The following CA6 variants were observed in gnomAD, a reference collection of about 807,000 sequenced individuals.
The protein encoded by CA6 is carbonate dehydratase VI.
In CA6, 28 loss-of-function variants were observed where a neutral mutation model predicts 35.9. That is an observed-to-expected ratio of 0.78 (90% CI 0.58 to 1.07). The LOEUF (loss-of-function observed/expected upper bound fraction) is 1.07, where lower values mean the gene tolerates loss of function less well. CA6 is among the 50% of genes least tolerant of loss of function. CA6 has a pLI of 0.00. For missense variants in CA6, 377 were observed against 382.0 expected, an observed-to-expected ratio of 0.99 and a Z score of 0.11; for synonymous variants, 148 against 152.6, an observed-to-expected ratio of 0.97 and a Z score of 0.22.
chr1:8,973,783 TC>T (rs1423529403), intron 7 of CA6, among the ~76,000 whole-genome samples: 8 of 23,548 alleles, frequency 3.4e-4, no homozygotes, highest in South Asian at 3.6e-3. Flanking sequence ...TTTCTTTCTT[TC>T]TTTTCCCTCC....
intron 2 of CA6, among the ~76,000 whole-genome samples, chr1:8,954,803 G>T (rs1639630600): frequency 2.0e-5 from 3 of 152,312 alleles, no homozygotes; most frequent in Admixed American, 1.3e-4. Context: ...TTGAACCCCT[G>T]ACCTCAGGTG....
intron 2 of CA6, among the ~76,000 whole-genome samples, chr1:8,953,722 G>A (rs1456717472): frequency 2.0e-5 from 3 of 152,170 alleles, no homozygotes; most frequent in Non-Finnish European, 4.4e-5. Context: ...TTGCTTGATC[G>A]TATAGTAATG....
rs1397742461 is a variant in CA6 at position 8,974,977 on chromosome 1, CCTAA to C, written c.*277_*280del. ...AATAGAAACTTAAAGGAAATGGAAC[CCTAA>C]CTATTCTCCCATCAAATCATATATG... On this transcript the variant is annotated 3_prime_UTR_variant, in exon 8 of 8. Coordinates refer to ENST00000377443, the MANE Select transcript of CA6 (RefSeq NM_001215.4). 2 of 302,344 alleles carry C rather than the reference CCTAA, an allele frequency of 6.6e-6. No individual in the cohort carries two copies. The highest frequency in any genetic ancestry group is 1.2e-5 in the Non-Finnish European group (2 of 166,800). The allele number at this position is 302,344 out of a possible 1,614,324, so 18.7% of individuals were successfully genotyped here.
In CA6 at chr1:8,962,628, T is replaced by C; in HGVS notation, c.543T>C (p.Ile181=). The change falls in exon 5 of 8, where the codon ATT becomes ATC. Residue 181 remains isoleucine (I), a synonymous_variant. Coordinates refer to ENST00000377443, the MANE Select transcript of CA6 (RefSeq NM_001215.4). ...AAAACACTTATTACAGCAACTTCATTTCTCATCTGGCCAACATCAAGTACC... is the reference window on the plus strand; with the variant it reads ...AAAACACTTATTACAGCAACTTCATCTCTCATCTGGCCAACATCAAGTACC... ...YPENTYYSNF[I]SHLANIKYPG... is the part of the protein sequence containing the mutation. The C allele has an allele frequency of 6.2e-7, 1 of 1,613,914 alleles. No individual in the cohort carries two copies. The highest frequency in any genetic ancestry group is 8.5e-7 in the Non-Finnish European group (1 of 1,179,818).
intron 4 of CA6, among the ~76,000 whole-genome samples, chr1:8,960,789 CAT>C (rs1553163139): frequency 5.1e-5 from 6 of 116,878 alleles, no homozygotes; most frequent in African/African-American, 1.3e-4. Context: ...CACACACACA[CAT>C]ATATATAATG....
chr1:8,956,388 G>C (rs1429660187), intron 2 of CA6, among the ~76,000 whole-genome samples: 1 of 151,670 alleles, frequency 6.6e-6, no homozygotes, highest in East Asian at 2.0e-4. Flanking sequence ...AGCTGGGCGT[G>C]GTGGCTCATG....
At chr1:8,973,166 C>T (rs773380454) in intron 7 of CA6, among the ~76,000 whole-genome samples, 5 of 152,088 alleles carry the variant, frequency 3.3e-5, no homozygotes, top group Non-Finnish European at 5.9e-5. Flanking sequence ...ATTACAGGCA[C>T]GCGCCCCCAC....
At chr1:8,947,314 C>T (rs151323685) in intron 1 of CA6, among the ~76,000 whole-genome samples, 3 of 152,082 alleles carry the variant, frequency 2.0e-5, no homozygotes, top group African/African-American at 7.3e-5. Context: ...CTGGTGGCCG[C>T]TGGCTGATGC....
rs1399211739 is a variant in CA6 at position 8,973,712 on chromosome 1, CTTTCTTTCTT to C, written c.845-908_845-899del. 3.3e-3 allele frequency among the ~76,000 whole-genome samples: 238 copies of C among 71,432 alleles called. 12 individuals carry two copies. The highest frequency in any genetic ancestry group is 0.014 in the South Asian group (32 of 2,302). The allele number at this position is 71,432 out of a possible 152,430, so 46.9% of individuals were successfully genotyped here. A position where few individuals can be genotyped will look rare whatever the true frequency, so the allele number is the denominator to read the frequency against. ...CAGGCCTGGATTTTTCTTTCTCTCT[CTTTCTTTCTT>C]TCTTTCTTTCTTTCTTTCTTTCTTT... is the stretch of plus-strand genomic sequence containing the variant. On this transcript the variant is annotated intron_variant, in intron 7 of 7. Transcript: ENST00000377443.
chr1:8,973,719 T>C (rs903725365), intron 7 of CA6, among the ~76,000 whole-genome samples: 2 of 9,520 alleles, frequency 2.1e-4, no homozygotes, highest in Non-Finnish European at 3.8e-4. Flanking sequence ...TCTCTTTCTT[T>C]CTTTCTTTCT....
intron 1 of CA6, among the ~76,000 whole-genome samples, chr1:8,946,945 A>G (rs1039207683): frequency 6.6e-6 from 1 of 151,682 alleles, no homozygotes; most frequent in African/African-American, 2.4e-5. Context: ...CTGGGATTAC[A>G]GGCACTCATC....
Position 8,957,283 on chromosome 1 carries a change from G to T in CA6, c.406G>T (p.Glu136Ter). Residue 136 changes from glutamate (E) to a stop codon, truncating the protein, a stop_gained and splice_region_variant, in exon 3 of 8, where the codon GAG (glutamate) becomes TAG (stop). Coordinates refer to ENST00000377443, the MANE Select transcript of CA6 (RefSeq NM_001215.4). LOFTEE classifies it high-confidence loss of function. The part of the protein sequence containing the change: ...HTVDGIRHVI[E>*]IHIVHYNSKY... ...CGTGGACGGGATCAGACATGTGATC[G>T]AGGTACCTGAGGACCCCCACTGTGT... The T allele has an allele frequency of 6.2e-7, 1 of 1,609,010 alleles. No individual in the cohort carries two copies. The highest frequency in any genetic ancestry group is 1.1e-5 in the South Asian group (1 of 90,604).
At chr1:8,947,878 C>G (rs1053641362) in intron 1 of CA6, among the ~76,000 whole-genome samples, 8 of 145,094 alleles carry the variant, frequency 5.5e-5, no homozygotes, top group African/African-American at 2.2e-4. Flanking sequence ...GAGTTTCACT[C>G]TCGTTGCCCA....
Position 8,967,775 on chromosome 1 carries a change from T to C in CA6, c.688T>C (p.Trp230Arg). Residue 230 changes from tryptophan to arginine, a missense_variant, in exon 6 of 8, where the codon TGG becomes CGG. Transcript: ENST00000377443. ...TTPPCTENVH[W>R]FVLADFVKLS... ...GCCTCCCTGCACTGAGAACGTCCAC[T>C]GGTTTGTGCTGGCAGATTTTGTCAA... 1.2e-6 allele frequency: 2 copies of C among 1,614,032 alleles called. No homozygotes were observed. Among genetic ancestry groups the C allele is most frequent in the Non-Finnish European group, 1.7e-6 (2 of 1,179,994 alleles).
At chr1:8,950,662 GT>G (rs1639507211) in intron 2 of CA6, among the ~76,000 whole-genome samples, 1 of 151,572 alleles carries the variant, frequency 6.6e-6, no homozygotes, top group African/African-American at 2.4e-5. Context: ...TGATGCCAGA[GT>G]TTGAGACCAA....
At chr1:8,970,492 C>T (rs1311547114) in intron 6 of CA6, among the ~76,000 whole-genome samples, 1 of 151,934 alleles carries the variant, frequency 6.6e-6, no homozygotes, top group Non-Finnish European at 1.5e-5. Flanking sequence ...AACTCTAGCC[C>T]AGTTGTTAAT....
chr1:8,967,963 CTTTT>C (rs34107058), intron 6 of CA6, 147 bp downstream of exon 6: 1,452 of 295,384 alleles, frequency 4.9e-3, no homozygotes, highest in Non-Finnish European at 5.6e-3. Flanking sequence ...TCTAGCCAAC[CTTTT>C]TTTTTTTTTT....
At chr1:8,974,107 G>A (rs1450765694) in intron 7 of CA6, among the ~76,000 whole-genome samples, 1 of 152,148 alleles carries the variant, frequency 6.6e-6, no homozygotes, top group Non-Finnish European at 1.5e-5. Flanking sequence ...TTACAGGCAT[G>A]AGCCATCGCG....
At chr1:8,960,226 G>T (rs150440307) in intron 4 of CA6, among the ~76,000 whole-genome samples, 3,826 of 146,880 alleles carry the variant, frequency 0.026, 169 homozygotes, top group African/African-American at 0.093. Context: ...GCGAGACTCC[G>T]TCTCAAAAAA....
Sources: gnomAD v4.1 joint callset for allele counts (sites outside exome capture counted in the v4.1 genomes callset) on GRCh38, gnomAD v4.1.1 for gene constraint, MANE v1.5 for transcripts, NCBI Gene and HGNC (gene_info 2026-07-23, HGNC 2026-07-21) for gene names.